Variants in PCDHA9 observed in about 807,000 individuals in gnomAD.
PCDHA9 encodes the protein protocadherin alpha 9.
Under a neutral mutation model 62.0 loss-of-function variants are expected in PCDHA9, and 62 were observed. That is an observed-to-expected ratio of 1.00 (90% CI 0.81 to 1.23). The LOEUF (loss-of-function observed/expected upper bound fraction) is 1.23. Among genes scored for constraint, PCDHA9 ranks in the 50% most tolerant of loss-of-function variants. PCDHA9 has a pLI of 0.00. For missense variants in PCDHA9, 1,205 were observed against 1,249.8 expected, an observed-to-expected ratio of 0.96 and a Z score of 0.54; for synonymous variants, 557 against 567.6, an observed-to-expected ratio of 0.98 and a Z score of 0.27.
chr5:140,881,494 A>G (rs1483226847), intron 1 of PCDHA9: 1 of 293,548 alleles, frequency 3.4e-6, no homozygotes, highest in African/African-American at 2.3e-5. Flanking sequence ...GTTTATGCAC[A>G]TACACACACT....
chr5:140,918,107 C>T (rs2078522550), intron 1 of PCDHA9, among the ~76,000 whole-genome samples: 1 of 152,132 alleles, frequency 6.6e-6, no homozygotes. Flanking sequence ...AGATCTTTCA[C>T]ATCCTTGATT....
intron 1 of PCDHA9, among the ~76,000 whole-genome samples, chr5:140,891,067 C>G (rs2062935872): frequency 6.6e-6 from 1 of 152,096 alleles, no homozygotes; most frequent in Admixed American, 6.6e-5. Flanking sequence ...AAATATTATT[C>G]CAGTGTCTAC....
intron 1 of PCDHA9, among the ~76,000 whole-genome samples, chr5:140,920,983 T>C (rs1472212249): frequency 6.6e-6 from 1 of 152,106 alleles, no homozygotes; most frequent in Non-Finnish European, 1.5e-5. Context: ...AATATTGTAT[T>C]TGCTTATTTT....
At chr5:140,984,441 T>A (rs1554246265) in intron 3 of PCDHA9, among the ~76,000 whole-genome samples, 3 of 152,200 alleles carry the variant, frequency 2.0e-5, no homozygotes, top group Admixed American at 6.5e-5. Context: ...TCTCCCTTGT[T>A]CCCTTTCTTA....
At chr5:140,990,507 T>C (rs1554251511) in intron 3 of PCDHA9, among the ~76,000 whole-genome samples, 1 of 152,158 alleles carries the variant, frequency 6.6e-6, no homozygotes, top group East Asian at 1.9e-4. Context: ...CCCCAAGTCT[T>C]CTCTCTTGTC....
At chr5:140,882,644 A>T in intron 1 of PCDHA9, 1 of 1,614,256 alleles carries the variant, frequency 6.2e-7, no homozygotes. Flanking sequence ...GGTGAGGGAC[A>T]TTAACGACAA....
intron 1 of PCDHA9, chr5:140,859,517 T>A (rs1364411363): frequency 5.1e-6 from 1 of 195,368 alleles, no homozygotes; most frequent in Admixed American, 5.8e-5. Flanking sequence ...ATGATTTCAT[T>A]TTTAAAAAAA....
At chr5:140,902,085 GT>G (rs1225919893) in intron 1 of PCDHA9, among the ~76,000 whole-genome samples, 1 of 151,518 alleles carries the variant, frequency 6.6e-6, no homozygotes, top group African/African-American at 2.4e-5. Context: ...TGTTTTAATA[GT>G]TTTTTGGAGT....
At chr5:140,902,709 TC>T (rs1248555909) in intron 1 of PCDHA9, among the ~76,000 whole-genome samples, 11 of 152,060 alleles carry the variant, frequency 7.2e-5, no homozygotes, top group Admixed American at 4.6e-4. Flanking sequence ...TATCTTTCAC[TC>T]CCCTCCCACC....
At chr5:140,869,020 T>C in intron 1 of PCDHA9, 8 of 1,525,458 alleles carry the variant, frequency 5.2e-6, no homozygotes, top group Non-Finnish European at 7.0e-6. Flanking sequence ...TTCTTAAGAA[T>C]TCAACGAGAT....
intron 3 of PCDHA9, among the ~76,000 whole-genome samples, chr5:140,990,715 A>G (rs927680875): frequency 1.3e-5 from 2 of 152,194 alleles, no homozygotes; most frequent in Non-Finnish European, 2.9e-5. Context: ...GGATAAGAGC[A>G]TCACTAGGTA....
At chr5:140,867,426 AT>A (rs1462800556) in intron 1 of PCDHA9, 4 of 152,150 alleles carry the variant, frequency 2.6e-5, no homozygotes, top group African/African-American at 9.7e-5. Flanking sequence ...TTAATACAGA[AT>A]TTTGCATTTA....
intron 1 of PCDHA9, chr5:140,875,864 C>A (rs781972677): frequency 3.7e-6 from 6 of 1,614,168 alleles, no homozygotes; most frequent in Admixed American, 3.3e-5. Context: ...GACAACCCGC[C>A]GGTGTTCAGA....
chr5:140,903,713 A>G (rs1391210068), intron 1 of PCDHA9, among the ~76,000 whole-genome samples: 1 of 152,206 alleles, frequency 6.6e-6, no homozygotes, highest in Non-Finnish European at 1.5e-5. Flanking sequence ...TAAAATATAC[A>G]ATTCTCCCTA....
intron 1 of PCDHA9, chr5:140,852,618 T>C: frequency 1.1e-6 from 1 of 941,450 alleles, no homozygotes; most frequent in Non-Finnish European, 1.3e-6. Flanking sequence ...AAAACTTGAG[T>C]GGTCTCTGAG....
chr5:140,856,660 T>C, intron 1 of PCDHA9: 1 of 1,597,974 alleles, frequency 6.3e-7, no homozygotes, highest in Non-Finnish European at 8.6e-7. Flanking sequence ...GTGAAGAAAA[T>C]CCTCAGCTAA....
rs138948867 is a variant in PCDHA9, at chr5:140,849,674, C to A, written c.1179C>A (p.Val393=). 2.5e-6 allele frequency: 4 copies of A among 1,598,602 alleles called. 1 individual carries two copies. Among genetic ancestry groups the A allele is most frequent in the Non-Finnish European group, 3.4e-6 (4 of 1,168,020 alleles). ...TTACCTGCTCCCTGACGCCCCACGT[C>A]CCCTTCAAGCTGGTGTCCACCTACA... ...GQVTCSLTPH[V]PFKLVSTYKN... is the part of the protein sequence containing the mutation. The change falls in exon 1 of 4, where the codon GTC becomes GTA. Residue 393 remains valine, a synonymous_variant. Coordinates refer to ENST00000532602, the MANE Select transcript of PCDHA9 (RefSeq NM_031857.2).
At chr5:140,919,359 G>T (rs188480486) in intron 1 of PCDHA9, among the ~76,000 whole-genome samples, 3 of 152,146 alleles carry the variant, frequency 2.0e-5, no homozygotes, top group African/African-American at 7.2e-5. Context: ...ATCTAAAAGT[G>T]TCTCCTGCAG....
At chr5:140,967,579 C>G in intron 1 of PCDHA9, 7 of 1,614,154 alleles carry the variant, frequency 4.3e-6, no homozygotes, top group South Asian at 1.1e-5. Context: ...AGGACTCACC[C>G]CCAGGCACAT....
Sources: gnomAD v4.1 joint callset for allele counts (sites outside exome capture counted in the v4.1 genomes callset) on GRCh38, gnomAD v4.1.1 for gene constraint, MANE v1.5 for transcripts, NCBI Gene and HGNC (gene_info 2026-07-23, HGNC 2026-07-21) for gene names.